The following ZNF704 variants were observed in gnomAD, a reference collection of about 807,000 sequenced individuals.
ZNF704 encodes the protein zinc finger protein 704, also known as glucocorticoid induced gene 1.
Under a neutral mutation model 44.7 loss-of-function variants are expected in ZNF704, and 10 were observed. That is an observed-to-expected ratio of 0.22 (90% CI 0.14 to 0.38). ZNF704 has a LOEUF of 0.38. Among genes scored for constraint, ZNF704 ranks in the 10% least tolerant of loss-of-function variants. The probability of loss-of-function intolerance (pLI) is 1.00; values close to 1 mark genes in which losing one functional copy is unlikely to be tolerated. For synonymous variants in ZNF704, 211 were observed against 207.6 expected, an observed-to-expected ratio of 1.02 and a Z score of -0.14; for missense variants, 390 against 545.5, an observed-to-expected ratio of 0.71 and a Z score of 2.84.
intron 2 of ZNF704, among the ~76,000 whole-genome samples, chr8:80,799,810 C>A (rs1448265708): frequency 6.6e-6 from 1 of 152,062 alleles, no homozygotes; most frequent in African/African-American, 2.4e-5. Flanking sequence ...TGGGCTGAGG[C>A]TGAGATGGCT....
chr8:80,771,584 A>G (rs866988750), intron 2 of ZNF704, among the ~76,000 whole-genome samples: 22 of 152,270 alleles, frequency 1.4e-4, no homozygotes, highest in South Asian at 1.0e-3. Flanking sequence ...TATTAGTTCT[A>G]GGAGTCTTTT....
chr8:80,841,381 CAT>C (rs1301894553), intron 1 of ZNF704, among the ~76,000 whole-genome samples: 14 of 152,174 alleles, frequency 9.2e-5, no homozygotes, highest in Non-Finnish European at 1.9e-4. Flanking sequence ...GCCACACCAC[CAT>C]ATGTTTCTGC....
intron 2 of ZNF704, among the ~76,000 whole-genome samples, chr8:80,765,967 T>A (rs1444030750): frequency 6.6e-6 from 1 of 152,196 alleles, no homozygotes. Context: ...TTACTGCGTA[T>A]GTAAGAAACA....
At chr8:80,773,765 A>G (rs1439875169) in intron 2 of ZNF704, among the ~76,000 whole-genome samples, 1 of 152,116 alleles carries the variant, frequency 6.6e-6, no homozygotes, top group African/African-American at 2.4e-5. Context: ...TTTCACCTCC[A>G]TAGTTTCTCA....
chr8:80,856,003 G>A (rs1428672349), intron 1 of ZNF704, among the ~76,000 whole-genome samples: 1 of 152,152 alleles, frequency 6.6e-6, no homozygotes, highest in Admixed American at 6.5e-5. Flanking sequence ...TGTCACCTGG[G>A]CTGGAGTGCA....
intron 2 of ZNF704, among the ~76,000 whole-genome samples, chr8:80,795,539 T>C (rs1278910092): frequency 6.6e-6 from 1 of 151,876 alleles, no homozygotes; most frequent in Non-Finnish European, 1.5e-5. Flanking sequence ...TTACATTATG[T>C]TAAGTTAAAA....
intron 2 of ZNF704, among the ~76,000 whole-genome samples, chr8:80,801,339 C>A (rs1002718560): frequency 6.6e-6 from 1 of 152,174 alleles, no homozygotes; most frequent in Non-Finnish European, 1.5e-5. Context: ...ATACAAAACT[C>A]TCCACTACAA....
intron 2 of ZNF704, among the ~76,000 whole-genome samples, chr8:80,720,027 A>G (rs548216322): frequency 6.6e-6 from 1 of 152,356 alleles, no homozygotes; most frequent in Admixed American, 6.5e-5. Flanking sequence ...TAATTTGTCC[A>G]AGGTCACACA....
At chr8:80,712,973 G>T (rs900846699) in intron 2 of ZNF704, among the ~76,000 whole-genome samples, 1 of 151,508 alleles carries the variant, frequency 6.6e-6, no homozygotes, top group Non-Finnish European at 1.5e-5. Context: ...TCGGCTCACC[G>T]CAATGTTCAC....
intron 2 of ZNF704, among the ~76,000 whole-genome samples, chr8:80,754,239 A>T (rs913826838): frequency 6.6e-6 from 1 of 152,092 alleles, no homozygotes; most frequent in Non-Finnish European, 1.5e-5. Context: ...TACTAACGGG[A>T]CAGCCAGTAT....
At chr8:80,854,093 AAAT>A (rs1218581301) in intron 1 of ZNF704, among the ~76,000 whole-genome samples, 1 of 152,216 alleles carries the variant, frequency 6.6e-6, no homozygotes, top group Non-Finnish European at 1.5e-5. Context: ...GACTGAATTG[AAAT>A]AATAATGACT....
chr8:80,869,903 T>A (rs1007524509), intron 1 of ZNF704, among the ~76,000 whole-genome samples: 1 of 151,980 alleles, frequency 6.6e-6, no homozygotes, highest in African/African-American at 2.4e-5. Flanking sequence ...CAGCAGTAAG[T>A]AGGGAAGGGG....
chr8:80,683,932 AC>A (rs1818494525), intron 4 of ZNF704, among the ~76,000 whole-genome samples: 1 of 152,180 alleles, frequency 6.6e-6, no homozygotes, highest in African/African-American at 2.4e-5. Context: ...CATAATAATG[AC>A]AAAGGTCAGG....
chr8:80,873,262 C>T (rs991607655), intron 1 of ZNF704, among the ~76,000 whole-genome samples: 2 of 152,190 alleles, frequency 1.3e-5, no homozygotes, highest in African/African-American at 4.8e-5. Context: ...TGGGGAGAAG[C>T]GCCCTTTCCC....
rs542178914 is a variant in ZNF704, at chr8:80,699,765, G to T, written c.222-6658C>A. On this transcript the variant is annotated intron_variant, in intron 2 of 8. Transcript: ENST00000327835. ...TTTAATTTCCATTAAACTTTGAAAA[G>T]ACTCCCTCCTGTCCCTCTTTCTCCC... Among the ~76,000 whole-genome samples, 19 of 152,204 alleles carry T rather than the reference G, an allele frequency of 1.2e-4. No homozygotes were observed. The East Asian group carries it at 3.3e-3, about 26-fold the overall frequency.
intron 7 of ZNF704, among the ~76,000 whole-genome samples, chr8:80,659,164 G>C (rs1818059583): frequency 6.6e-6 from 1 of 152,128 alleles, no homozygotes; most frequent in African/African-American, 2.4e-5. Context: ...AAATGATTTT[G>C]ATGTATTTTT....
intron 4 of ZNF704, among the ~76,000 whole-genome samples, chr8:80,673,544 G>T (rs899620186): frequency 6.6e-6 from 1 of 152,204 alleles, no homozygotes; most frequent in Non-Finnish European, 1.5e-5. Context: ...GTGCCTGCTA[G>T]AATATCTGCC....
intron 1 of ZNF704, among the ~76,000 whole-genome samples, chr8:80,861,484 C>G (rs1809060533): frequency 6.6e-6 from 1 of 152,146 alleles, no homozygotes; most frequent in South Asian, 2.1e-4. Flanking sequence ...AGGGGTGACA[C>G]AAGTGTTCCA....
intron 2 of ZNF704, among the ~76,000 whole-genome samples, chr8:80,705,574 G>A (rs574269592): frequency 6.6e-5 from 10 of 151,330 alleles, no homozygotes; most frequent in Admixed American, 2.0e-4. Context: ...TGTGTGTTTC[G>A]GTCCTGTGTG....
Sources: allele counts gnomAD v4.1 joint callset (sites outside exome capture counted in the v4.1 genomes callset), GRCh38; gene constraint gnomAD v4.1.1; transcripts MANE v1.5; gene names NCBI Gene and HGNC (gene_info 2026-07-23, HGNC 2026-07-21).